C8orf34: variants seen among roughly 807,000 people sequenced by gnomAD.
C8orf34 encodes the protein uncharacterized protein C8orf34.
Under a neutral mutation model 68.3 loss-of-function variants are expected in C8orf34, and 65 were observed. The ratio of observed to expected loss-of-function variants is 0.95; its 90% CI spans 0.78 to 1.17. The LOEUF is 1.17. Ranked by LOEUF, C8orf34 falls within the 50% of genes most tolerant of loss-of-function variation. The pLI, the probability that C8orf34 is intolerant of heterozygous loss-of-function variation, is 0.00. For missense variants in C8orf34, 664 were observed against 655.4 expected (o/e 1.01, Z -0.14); for synonymous variants, 244 against 241.2 (o/e 1.01, Z -0.11).
In C8orf34 at chr8:68,674,598, C is replaced by T. The variant is rs146913625; in HGVS notation, c.1241+34087C>T. On this transcript the variant is annotated intron_variant, in intron 8 of 13. Transcript: ENST00000518698. The stretch of plus-strand genomic sequence containing the variant: ...TGAAGGCAGGCTATTTGAAAATACG[C>T]GGTCAGAGGAGATGAAAGAAAAAAA... Among the ~76,000 whole-genome samples, 93 of 151,216 alleles carry T rather than the reference C, an allele frequency of 6.2e-4. 1 individual carries two copies. In the East Asian group the frequency reaches 9.4e-3, roughly 15 times the overall value.
At chr8:68,784,504 C>T (rs1316318077) in intron 11 of C8orf34, among the ~76,000 whole-genome samples, 1 of 152,196 alleles carries the variant, frequency 6.6e-6, no homozygotes, top group Non-Finnish European at 1.5e-5. Context: ...TCACTAAACA[C>T]AGCCCACACT....
At chr8:68,790,952 C>A in intron 12 of C8orf34, 1 of 652,624 alleles carries the variant, frequency 1.5e-6, no homozygotes, top group Admixed American at 2.5e-5. Flanking sequence ...TCTGAATCAG[C>A]TTCATAGTAT....
rs536501111 is a variant in C8orf34, at chr8:68,535,965, G to A, written c.1105+2816G>A. 8 of 718,378 alleles carry A rather than the reference G, an allele frequency of 1.1e-5. No homozygotes were observed. The South Asian group carries it at 2.5e-4, about 23-fold the overall frequency. The allele number at this position is 718,378 out of a possible 1,614,324, so 44.5% of individuals were successfully genotyped here. ...CAAATATTTTAGTACAAATATTTTA[G>A]TAATCGTTCTGGCAATTAATGACCA... On this transcript the variant is annotated intron_variant, in intron 7 of 13. Transcript: ENST00000518698.
At chr8:68,533,790 C>T in intron 7 of C8orf34, 1 of 977,406 alleles carries the variant, frequency 1.0e-6, no homozygotes, top group African/African-American at 1.8e-5. Flanking sequence ...TTAAACTGAA[C>T]TTCTCTTTGG....
intron 1 of C8orf34, among the ~76,000 whole-genome samples, chr8:68,388,335 C>G (rs778099892): frequency 6.6e-6 from 1 of 152,142 alleles, no homozygotes; most frequent in Non-Finnish European, 1.5e-5. Context: ...TCTGACATAG[C>G]TTTCCTTCTC....
intron 9 of C8orf34, among the ~76,000 whole-genome samples, chr8:68,715,108 C>T (rs923856500): frequency 2.0e-5 from 3 of 152,144 alleles, no homozygotes; most frequent in Admixed American, 2.0e-4. Flanking sequence ...CATCTCTCAT[C>T]TTATACAAAA....
intron 7 of C8orf34, among the ~76,000 whole-genome samples, chr8:68,604,568 A>G (rs1295580240): frequency 2.6e-5 from 4 of 152,110 alleles, no homozygotes; most frequent in Admixed American, 1.3e-4. Context: ...TAATCAACTG[A>G]TCTTTGACAA....
chr8:68,332,355 G>A, intron 1 of C8orf34, among the ~76,000 whole-genome samples: 1 of 149,704 alleles, frequency 6.7e-6, no homozygotes, highest in East Asian at 2.0e-4. Context: ...AGGTGCTCCC[G>A]CCTTGCCCCC....
intron 8 of C8orf34, among the ~76,000 whole-genome samples, chr8:68,658,611 G>A (rs151181044): frequency 1.3e-4 from 19 of 151,580 alleles, no homozygotes; most frequent in African/African-American, 4.4e-4. Flanking sequence ...TTCTTTTCTC[G>A]ACATATTCAT....
intron 10 of C8orf34, among the ~76,000 whole-genome samples, chr8:68,774,384 A>C (rs2129528522): frequency 6.6e-6 from 1 of 150,954 alleles, no homozygotes; most frequent in Non-Finnish European, 1.5e-5. Flanking sequence ...TATCTGAAAT[A>C]AGTTCTCAGC....
At chr8:68,719,490 A>G (rs1396246961) in intron 9 of C8orf34, among the ~76,000 whole-genome samples, 1 of 152,086 alleles carries the variant, frequency 6.6e-6, no homozygotes, top group Admixed American at 6.5e-5. Flanking sequence ...AATGTGTTCA[A>G]GTAAATTTCA....
chr8:68,491,395 T>G (rs893932684), intron 5 of C8orf34, among the ~76,000 whole-genome samples: 2 of 152,220 alleles, frequency 1.3e-5, no homozygotes, highest in African/African-American at 4.8e-5. Flanking sequence ...GTTTCAAAGT[T>G]GAACATGAGT....
At chr8:68,745,264 C>T (rs4480112) in intron 10 of C8orf34, among the ~76,000 whole-genome samples, 44,723 of 151,916 alleles carry the variant, frequency 0.29, 6,593 homozygotes, top group Admixed American at 0.37. Flanking sequence ...CAACTGGTGC[C>T]AGCCGCTGCA....
intron 10 of C8orf34, among the ~76,000 whole-genome samples, chr8:68,737,980 T>C (rs1822169282): frequency 6.6e-6 from 1 of 152,170 alleles, no homozygotes; most frequent in African/African-American, 2.4e-5. Context: ...TACATTCTTC[T>C]TATTGCCACA....
rs564571730 is a variant in C8orf34 at position 68,691,249 on chromosome 8, C to G, written c.1242-17745C>G. Among the ~76,000 whole-genome samples, 30 of 152,038 alleles carry G rather than the reference C, an allele frequency of 2.0e-4. No individual in the cohort carries two copies. The South Asian group carries it at 6.2e-3, about 32-fold the overall frequency. ...CCTGCTTGGAGCAAGTCTGTCTGTG[C>G]CATTTTTCCAACAGCATGTGCTCAC... On this transcript the variant is annotated intron_variant, in intron 8 of 13. Coordinates refer to ENST00000518698, the MANE Select transcript of C8orf34 (RefSeq NM_052958.4).
intron 7 of C8orf34, among the ~76,000 whole-genome samples, chr8:68,613,771 G>A (rs988896503): frequency 4.5e-4 from 68 of 152,102 alleles, no homozygotes; most frequent in Non-Finnish European, 7.9e-4. Flanking sequence ...TGTCTTTATA[G>A]CAGCATGATT....
intron 7 of C8orf34, among the ~76,000 whole-genome samples, chr8:68,546,596 A>G (rs990253904): frequency 1.3e-5 from 2 of 151,896 alleles, no homozygotes; most frequent in Non-Finnish European, 2.9e-5. Flanking sequence ...AAATCAGTAG[A>G]GATATAGAAG....
chr8:68,481,983 C>A (rs1464926558), intron 4 of C8orf34, among the ~76,000 whole-genome samples: 1 of 152,018 alleles, frequency 6.6e-6, no homozygotes, highest in Non-Finnish European at 1.5e-5. Flanking sequence ...TTTGGAGGGG[C>A]CAGGGAAGGA....
intron 8 of C8orf34, among the ~76,000 whole-genome samples, chr8:68,641,416 G>A (rs1217989314): frequency 6.6e-6 from 1 of 152,196 alleles, no homozygotes; most frequent in Non-Finnish European, 1.5e-5. Flanking sequence ...ATCAGGGGAT[G>A]TTATCTGAGG....
Sources: allele counts gnomAD v4.1 joint callset (sites outside exome capture counted in the v4.1 genomes callset), GRCh38; gene constraint gnomAD v4.1.1; transcripts MANE v1.5; gene names NCBI Gene and HGNC (gene_info 2026-07-23, HGNC 2026-07-21).